Variants in SYNPR observed in about 807,000 individuals in gnomAD.
SYNPR encodes synaptoporin.
SYNPR carries 23 observed loss-of-function variants against 32.9 expected under a neutral mutation model. The observed-to-expected ratio is 0.70, with a 90% CI of 0.50 to 0.99. The LOEUF is 0.99. Ranked by LOEUF, SYNPR falls within the 50% of genes least tolerant of loss-of-function variation. The pLI, the probability that SYNPR is intolerant of heterozygous loss-of-function variation, is 0.00. For missense variants in SYNPR, 318 were observed against 349.3 expected, an observed-to-expected ratio of 0.91 and a Z score of 0.71; for synonymous variants, 146 against 135.9, an observed-to-expected ratio of 1.07 and a Z score of -0.52.
At chr3:63,509,389 G>C (rs12054427) in intron 3 of SYNPR, among the ~76,000 whole-genome samples, 2 of 150,990 alleles carry the variant, frequency 1.3e-5, no homozygotes, top group African/African-American at 4.9e-5. Flanking sequence ...TATTCTTATA[G>C]CCTGAAAAAC....
chr3:63,609,362 C>A, intron 5 of SYNPR, 46 bp downstream of exon 5: 2 of 1,416,904 alleles, frequency 1.4e-6, no homozygotes, highest in South Asian at 1.6e-5. Flanking sequence ...CTTTGTTTGC[C>A]AGTCAAAATA....
At chr3:63,245,062 C>T (rs1047092288) in intron 1 of SYNPR, among the ~76,000 whole-genome samples, 4 of 152,212 alleles carry the variant, frequency 2.6e-5, no homozygotes, top group Non-Finnish European at 5.9e-5. Flanking sequence ...CTTCAACTTA[C>T]ATCTCCAAAG....
chr3:63,406,055 G>A (rs994143750), intron 2 of SYNPR, among the ~76,000 whole-genome samples: 2 of 152,072 alleles, frequency 1.3e-5, no homozygotes, highest in Non-Finnish European at 2.9e-5. Flanking sequence ...TTCTTGCCCA[G>A]AATCACACTA....
At chr3:63,233,483 T>C (rs1575571426) in intron 1 of SYNPR, among the ~76,000 whole-genome samples, 1 of 152,030 alleles carries the variant, frequency 6.6e-6, no homozygotes, top group African/African-American at 2.4e-5. Context: ...CTCCCATTAC[T>C]CTGACTTTAC....
intron 2 of SYNPR, among the ~76,000 whole-genome samples, chr3:63,382,649 G>C (rs57500262): frequency 0.03 from 4,638 of 152,276 alleles, 254 homozygotes; most frequent in African/African-American, 0.1. Context: ...ACACACCACT[G>C]TGTCTATTCA....
intron 2 of SYNPR, among the ~76,000 whole-genome samples, chr3:63,391,348 G>A (rs1055008207): frequency 2.6e-5 from 4 of 152,282 alleles, no homozygotes; most frequent in East Asian, 1.9e-4. Context: ...AAGGATGTTC[G>A]TATCTTAGTC....
intron 2 of SYNPR, among the ~76,000 whole-genome samples, chr3:63,290,557 T>G (rs567617386): frequency 7.8e-6 from 1 of 127,812 alleles, no homozygotes; most frequent in African/African-American, 3.0e-5. Flanking sequence ...TTACTGAACT[T>G]GTGTATCTTT....
At chr3:63,341,896 G>T (rs1437905536) in intron 2 of SYNPR, among the ~76,000 whole-genome samples, 1 of 151,908 alleles carries the variant, frequency 6.6e-6, no homozygotes, top group Non-Finnish European at 1.5e-5. Context: ...TTTTGTCATG[G>T]ATTGTGTTTT....
At chr3:63,415,216 T>C (rs927300015) in intron 2 of SYNPR, among the ~76,000 whole-genome samples, 7 of 152,210 alleles carry the variant, frequency 4.6e-5, no homozygotes, top group African/African-American at 2.4e-5. Flanking sequence ...TGTGCTCCTA[T>C]ACATCCCCTC....
intron 1 of SYNPR, among the ~76,000 whole-genome samples, chr3:63,241,708 G>A (rs1358323746): frequency 3.3e-5 from 5 of 152,010 alleles, no homozygotes; most frequent in African/African-American, 7.2e-5. Flanking sequence ...TTAAACTCAG[G>A]CAATAACGAG....
In SYNPR at chr3:63,556,633, G is replaced by C; in HGVS notation, c.300G>C (p.Glu100Asp). The change falls in exon 4 of 6, where the codon GAG (glutamate) becomes GAC (aspartate). Residue 100 changes from glutamate (E) to aspartate (D), a missense_variant. Coordinates refer to ENST00000478300, the MANE Select transcript of SYNPR (RefSeq NM_001130003.2). ...ALIGDSSSSAEFFVTVAVFAF... is the reference protein window; with the variant it reads ...ALIGDSSSSADFFVTVAVFAF... Reference sequence around the variant, plus strand: ...TTGGTGACTCCTCGTCTTCAGCAGAGTTCTTCGTCACTGTTGCTGTCTTCG... The same window carrying C: ...TTGGTGACTCCTCGTCTTCAGCAGACTTCTTCGTCACTGTTGCTGTCTTCG... The C allele has an allele frequency of 6.2e-7, 1 of 1,613,884 alleles. No individual in the cohort carries two copies. The highest frequency in any genetic ancestry group is 8.5e-7 in the Non-Finnish European group (1 of 1,179,838).
chr3:63,471,705 T>A (rs1575661818), intron 2 of SYNPR, among the ~76,000 whole-genome samples: 1 of 152,130 alleles, frequency 6.6e-6, no homozygotes, highest in Admixed American at 6.5e-5. Flanking sequence ...ACTATTGAGG[T>A]AATCAGCTTT....
chr3:63,532,828 A>C (rs1409447407), intron 3 of SYNPR, among the ~76,000 whole-genome samples: 2 of 152,202 alleles, frequency 1.3e-5, no homozygotes, highest in African/African-American at 4.8e-5. Flanking sequence ...TGCCCAATGA[A>C]ATTGTAATAC....
chr3:63,541,810 G>A (rs918133772), intron 3 of SYNPR, among the ~76,000 whole-genome samples: 2 of 152,028 alleles, frequency 1.3e-5, no homozygotes, highest in Non-Finnish European at 2.9e-5. Flanking sequence ...TTTCAGAAAA[G>A]AATGCTTTTC....
At chr3:63,557,694 G>C (rs886688090) in intron 4 of SYNPR, among the ~76,000 whole-genome samples, 2 of 152,044 alleles carry the variant, frequency 1.3e-5, no homozygotes, top group Admixed American at 6.6e-5. Context: ...TGCGATGTGG[G>C]ACATATAACT....
chr3:63,229,901 T>C (rs1382699833), intron 1 of SYNPR, among the ~76,000 whole-genome samples: 1 of 152,128 alleles, frequency 6.6e-6, no homozygotes, highest in Admixed American at 6.6e-5. Flanking sequence ...AGTTTTAAAG[T>C]CTAGCTTTTT....
chr3:63,436,510 C>T (rs1446513692), intron 2 of SYNPR, among the ~76,000 whole-genome samples: 1 of 152,078 alleles, frequency 6.6e-6, no homozygotes, highest in African/African-American at 2.4e-5. Flanking sequence ...GTCGCCTTGT[C>T]TCCTGAGTCA....
intron 2 of SYNPR, among the ~76,000 whole-genome samples, chr3:63,360,875 C>G (rs576999659): frequency 5.3e-4 from 81 of 152,238 alleles, no homozygotes; most frequent in Non-Finnish European, 8.5e-4. Context: ...TTATTGCTAT[C>G]CAAGATCACC....
At chr3:63,311,186 A>AT (rs1367992914) in intron 2 of SYNPR, among the ~76,000 whole-genome samples, 1 of 151,958 alleles carries the variant, frequency 6.6e-6, no homozygotes, top group African/African-American at 2.4e-5. Context: ...ATATCTCAAT[A>AT]TAAAAACAAA....
Sources: allele counts gnomAD v4.1 joint callset (sites outside exome capture counted in the v4.1 genomes callset), GRCh38; gene constraint gnomAD v4.1.1; transcripts MANE v1.5; gene names NCBI Gene and HGNC (gene_info 2026-07-23, HGNC 2026-07-21).